LRP6: variants seen among roughly 807,000 people sequenced by gnomAD.
The protein encoded by LRP6 is low-density lipoprotein receptor-related protein 6.
LRP6 carries 43 observed loss-of-function variants against 184.1 expected under a neutral mutation model. That is an observed-to-expected ratio of 0.23 (90% CI 0.18 to 0.30). The LOEUF (loss-of-function observed/expected upper bound fraction) is 0.30. Among genes scored for constraint, LRP6 ranks in the 10% least tolerant of loss-of-function variants. The probability of loss-of-function intolerance (pLI) is 1.00; values close to 1 mark genes in which losing one functional copy is unlikely to be tolerated. For missense variants in LRP6, 1,571 were observed against 2,005.3 expected, an observed-to-expected ratio of 0.78 and a Z score of 4.14; for synonymous variants, 719 against 684.9, an observed-to-expected ratio of 1.05 and a Z score of -0.78.
Position 12,116,410 on chromosome 12 carries a change from A to AT in LRP6, c.*4715dup, listed in dbSNP as rs1427111907. 1.3e-5 allele frequency: 2 copies of AT among 152,072 alleles called. No individual in the cohort carries two copies. The highest frequency in any genetic ancestry group is 4.8e-5 in the African/African-American group (2 of 41,390). 9.4% of individuals were successfully genotyped at this position (152,072 alleles called of 1,614,324 possible). A position where few individuals can be genotyped will look rare whatever the true frequency, so the allele number is the denominator to read the frequency against. On this transcript the variant is annotated 3_prime_UTR_variant, in exon 23 of 23. Transcript: ENST00000261349. The stretch of plus-strand genomic sequence containing the variant: ...CTTGGTATCCTCTCTACTTTTTAAC[A>AT]TTTTTCCTTACTAATCCATATATTT...
rs1408205322 is a variant in LRP6, at chr12:12,124,619, T to C, written c.4493A>G (p.Tyr1498Cys). The part of the protein sequence containing the change: ...PPSPATERSH[Y>C]TMEFGYSSNS... ...TGAAGAATATCCAAATTCCATAGTGTAATGTGATCGCTCTGTGGCTGGGGA... is the reference window on the plus strand; with the variant it reads ...TGAAGAATATCCAAATTCCATAGTGCAATGTGATCGCTCTGTGGCTGGGGA... The change falls in exon 22 of 23, where the codon TAC becomes TGC. Residue 1498 changes from tyrosine (Y) to cysteine (C), a missense_variant. Tyr to Cys is a radical substitution (Grantham distance 194, BLOSUM62 -2). Transcript: ENST00000261349. 1.2e-6 allele frequency: 2 copies of C among 1,613,740 alleles called. No homozygotes were observed. Among genetic ancestry groups the C allele is most frequent in the African/African-American group, 2.7e-5 (2 of 74,930 alleles).
chr12:12,139,460 ACACCTGTAATCTCAGTAATCTGGGAGG>A (rs1182625460), intron 15 of LRP6, among the ~76,000 whole-genome samples: 6 of 152,246 alleles, frequency 3.9e-5, no homozygotes, highest in African/African-American at 1.4e-4. Context: ...GCAGTGGCAC[ACACCTGTAATCTCAGTAATCTGGGAGG>A]CTGAGGCAGG....
intron 1 of LRP6, among the ~76,000 whole-genome samples, chr12:12,254,773 C>G (rs1186701405): frequency 1.3e-5 from 2 of 152,178 alleles, no homozygotes; most frequent in African/African-American, 4.8e-5. Flanking sequence ...GGCCTGGTAA[C>G]TGGCTTACAG....
At chr12:12,238,202 T>A (rs1864971905) in intron 2 of LRP6, among the ~76,000 whole-genome samples, 1 of 147,188 alleles carries the variant, frequency 6.8e-6, no homozygotes. Context: ...AAGAATTTTG[T>A]ATCTAGATGG....
intron 2 of LRP6, among the ~76,000 whole-genome samples, chr12:12,222,975 T>G (rs952526398): frequency 6.6e-6 from 1 of 152,096 alleles, no homozygotes; most frequent in East Asian, 1.9e-4. Flanking sequence ...AAATCTCAAT[T>G]ATATTTTACT....
chr12:12,157,170 C>A (rs1420192029), intron 12 of LRP6, among the ~76,000 whole-genome samples: 1 of 152,144 alleles, frequency 6.6e-6, no homozygotes, highest in Non-Finnish European at 1.5e-5. Flanking sequence ...TATCTTCAAC[C>A]TCATGTCTCT....
intron 12 of LRP6, among the ~76,000 whole-genome samples, chr12:12,153,443 A>T (rs1418791694): frequency 6.6e-6 from 1 of 152,176 alleles, no homozygotes; most frequent in Non-Finnish European, 1.5e-5. Context: ...CTCTTTTCCA[A>T]GCAAAATTTT....
intron 19 of LRP6, among the ~76,000 whole-genome samples, chr12:12,128,018 G>A (rs79498979): frequency 0.073 from 11,124 of 152,008 alleles, 484 homozygotes; most frequent in Admixed American, 0.11. Flanking sequence ...ACATTCCTTT[G>A]CAATGCCAAG....
rs185072130 is a variant in LRP6, at chr12:12,185,375, T to C, written c.845-1264A>G. 5.5e-4 allele frequency among the ~76,000 whole-genome samples: 84 copies of C among 152,302 alleles called. 1 individual carries two copies. Among genetic ancestry groups the C allele is most frequent in the African/African-American group, 1.9e-3 (80 of 41,560 alleles). On this transcript the variant is annotated intron_variant, in intron 4 of 22. Coordinates refer to ENST00000261349, the MANE Select transcript of LRP6 (RefSeq NM_002336.3). ...ACAAGTGACTGAACATTTTCTTTTG[T>C]ACAGAAGAGTAACACATACACTTAA...
rs1862707934 is a variant in LRP6 at position 12,160,232 on chromosome 12, AC to A, written c.2280-269del. On this transcript the variant is annotated intron_variant, in intron 10 of 22. Coordinates refer to ENST00000261349, the MANE Select transcript of LRP6 (RefSeq NM_002336.3). ...ATCCAAACCTAGGAATTGGAAATAA[AC>A]CAACAGTTTATTGCAGTACTGGCAT... Among the ~76,000 whole-genome samples, 8 of 152,306 alleles carry A rather than the reference AC, an allele frequency of 5.3e-5. No individual in the cohort carries two copies. The South Asian group carries it at 1.7e-3, about 32-fold the overall frequency.
At chr12:12,160,002 T>A in intron 10 of LRP6, 38 bp from the exon 11 acceptor site, 1 of 1,442,534 alleles carries the variant, frequency 6.9e-7, no homozygotes, top group Non-Finnish European at 9.6e-7. Flanking sequence ...ATTTCAATTT[T>A]TTATTATCTG....
At chr12:12,130,643 A>T in intron 19 of LRP6, 140 bp downstream of exon 19, 1 of 637,754 alleles carries the variant, frequency 1.6e-6, no homozygotes, top group Non-Finnish European at 2.8e-6. Context: ...AAACATAAAA[A>T]AACCTTCACA....
rs1949531769 is a variant in LRP6, at chr12:12,117,328, T to C, written c.*3798A>G. Reference sequence around the variant, plus strand: ...AAATATTTGTCCACCTACTGATAACTGGTCAACACACTCATATCCATACTC... The same window carrying C: ...AAATATTTGTCCACCTACTGATAACCGGTCAACACACTCATATCCATACTC... On this transcript the variant is annotated 3_prime_UTR_variant, in exon 23 of 23. Coordinates refer to ENST00000261349, the MANE Select transcript of LRP6 (RefSeq NM_002336.3). 1 of 152,234 alleles carries C rather than the reference T, an allele frequency of 6.6e-6. No individual in the cohort carries two copies. Among genetic ancestry groups the C allele is most frequent in the South Asian group, 2.1e-4 (1 of 4,836 alleles). 9.4% of individuals were successfully genotyped at this position (152,234 alleles called of 1,614,324 possible).
chr12:12,171,065 A>T (rs759496039), intron 7 of LRP6, among the ~76,000 whole-genome samples: 9 of 152,156 alleles, frequency 5.9e-5, no homozygotes, highest in Non-Finnish European at 1.2e-4. Context: ...TCAGCCATGT[A>T]CTAACAATGG....
At chr12:12,194,162 C>T (rs1331548814) in intron 3 of LRP6, among the ~76,000 whole-genome samples, 1 of 151,884 alleles carries the variant, frequency 6.6e-6, no homozygotes, top group African/African-American at 2.4e-5. Flanking sequence ...GTAAATCTGT[C>T]CATGAACTAG....
intron 2 of LRP6, among the ~76,000 whole-genome samples, chr12:12,219,886 G>A (rs193188376): frequency 3.5e-4 from 53 of 152,282 alleles, no homozygotes; most frequent in Non-Finnish European, 1.5e-4. Flanking sequence ...AAAGGAGGAG[G>A]ACGTAGAGGT....
rs1949661833 is a variant in LRP6, at chr12:12,125,552, C to T, written c.4313-120G>A. 6 of 870,870 alleles carry T rather than the reference C, an allele frequency of 6.9e-6. No homozygotes were observed. In the South Asian group the frequency reaches 9.0e-5, roughly 13 times the overall value. The allele number at this position is 870,870 out of a possible 1,614,324, so 53.9% of individuals were successfully genotyped here. On this transcript the variant is annotated intron_variant, in intron 20 of 22. Transcript: ENST00000261349. ...GTGAAGTAGTCTGATTTTAAAATAA[C>T]TTACACTCTTTTCCTATAATTGAAA...
At chr12:12,234,445 G>A (rs1400002359) in intron 2 of LRP6, among the ~76,000 whole-genome samples, 6 of 151,304 alleles carry the variant, frequency 4.0e-5, no homozygotes, top group Middle Eastern at 3.2e-3. Flanking sequence ...GTGAGACTCC[G>A]TCTCAAAAAA....
At chr12:12,185,438 A>G (rs1427291716) in intron 4 of LRP6, among the ~76,000 whole-genome samples, 1 of 146,630 alleles carries the variant, frequency 6.8e-6, no homozygotes, top group Admixed American at 6.7e-5. Context: ...AGATTCCAAC[A>G]TAACACTTTC....
Sources: allele counts gnomAD v4.1 joint callset (sites outside exome capture counted in the v4.1 genomes callset), GRCh38; gene constraint gnomAD v4.1.1; transcripts MANE v1.5; gene names NCBI Gene and HGNC (gene_info 2026-07-23, HGNC 2026-07-21).